Variants in LRRC37A2 observed in about 807,000 individuals in gnomAD.
LRRC37A2 encodes the protein leucine rich repeat containing 37 member A2.
Under a neutral mutation model 68.8 loss-of-function variants are expected in LRRC37A2, and 9 were observed. The observed-to-expected ratio is 0.13, with a 90% CI of 0.08 to 0.23. The LOEUF (loss-of-function observed/expected upper bound fraction) is 0.23, where lower values mean the gene tolerates loss of function less well. Ranked by LOEUF, LRRC37A2 falls within the 10% of genes least tolerant of loss-of-function variation. LRRC37A2 has a pLI of 1.00. For missense variants in LRRC37A2, 168 were observed against 950.4 expected (o/e 0.18, Z 10.82); for synonymous variants, 63 against 367.6 (o/e 0.17, Z 9.48).
chr17:46,995,650 A>G, the LRRC37A2 span, among the ~76,000 whole-genome samples: 3 of 152,338 alleles, frequency 2.0e-5, no homozygotes, highest in East Asian at 5.8e-4. Flanking sequence ...TAGCAGAGCA[A>G]TAAGACAGGA....
chr17:47,001,220 T>C, the LRRC37A2 span, among the ~76,000 whole-genome samples: 108,081 of 151,504 alleles, frequency 0.71, 39,158 homozygotes, highest in Middle Eastern at 0.78. Flanking sequence ...GGTATTAATG[T>C]CCACCTCCCA....
At chr17:46,771,536 C>T in the LRRC37A2 span, among the ~76,000 whole-genome samples, 1 of 148,828 alleles carries the variant, frequency 6.7e-6, no homozygotes, top group Non-Finnish European at 1.5e-5. Flanking sequence ...GGGAGCGGCG[C>T]TGACAGCCCC....
At chr17:46,697,079 ATC>A in the LRRC37A2 span, among the ~76,000 whole-genome samples, 1 of 137,374 alleles carries the variant, frequency 7.3e-6, no homozygotes, top group South Asian at 2.3e-4. Context: ...TTTAGGTACT[ATC>A]TGCCACTTTA....
chr17:46,877,100 T>C, the LRRC37A2 span: 14 of 1,034,896 alleles, frequency 1.4e-5, no homozygotes, highest in Non-Finnish European at 1.5e-5. Flanking sequence ...AGCATGTTCT[T>C]GGGAGGTGAA....
chr17:46,858,160 C>G, the LRRC37A2 span, among the ~76,000 whole-genome samples: 4 of 152,266 alleles, frequency 2.6e-5, no homozygotes, highest in East Asian at 7.7e-4. Flanking sequence ...GAACTCCTGA[C>G]CTCATGTGAT....
At chr17:47,011,138 C>T in the LRRC37A2 span, among the ~76,000 whole-genome samples, 1 of 152,134 alleles carries the variant, frequency 6.6e-6, no homozygotes, top group Non-Finnish European at 1.5e-5. Flanking sequence ...CACTTGAAGG[C>T]GATGGATGGA....
chr17:46,945,996 C>T, the LRRC37A2 span, among the ~76,000 whole-genome samples: 1 of 152,182 alleles, frequency 6.6e-6, no homozygotes, highest in Non-Finnish European at 1.5e-5. Flanking sequence ...AGGGCAGCCT[C>T]TCTTACCTCA....
the LRRC37A2 span, among the ~76,000 whole-genome samples, chr17:46,734,073 G>A: frequency 2.6e-5 from 4 of 152,156 alleles, no homozygotes; most frequent in African/African-American, 9.7e-5. Context: ...TTGCTTTCAT[G>A]TAGTCCTTAC....
the LRRC37A2 span, among the ~76,000 whole-genome samples, chr17:46,892,943 CTTT>C: frequency 2.0e-5 from 3 of 146,974 alleles, no homozygotes; most frequent in African/African-American, 5.0e-5. Context: ...TTTTTCTTTT[CTTT>C]TTTTTTTTGA....
chr17:46,884,775 G>A, the LRRC37A2 span, among the ~76,000 whole-genome samples: 185 of 152,276 alleles, frequency 1.2e-3, no homozygotes, highest in African/African-American at 4.3e-3. Context: ...AGTATGAGGC[G>A]GGGCCAGCTT....
chr17:46,496,498 A>T, the LRRC37A2 span, among the ~76,000 whole-genome samples: 9 of 147,072 alleles, frequency 6.1e-5, 1 homozygote, highest in African/African-American at 2.4e-4. Context: ...AGCTACTCAG[A>T]AGGTTAAGTC....
chr17:46,770,439 G>A, the LRRC37A2 span, among the ~76,000 whole-genome samples: 3 of 152,164 alleles, frequency 2.0e-5, no homozygotes, highest in African/African-American at 7.2e-5. Flanking sequence ...ACCCTGCACA[G>A]GCCTGAGCCC....
the LRRC37A2 span, among the ~76,000 whole-genome samples, chr17:47,034,757 G>A: frequency 6.7e-6 from 1 of 148,664 alleles, no homozygotes; most frequent in African/African-American, 2.5e-5. Flanking sequence ...AGTGGGCAGA[G>A]GAAGATATAG....
the LRRC37A2 span, among the ~76,000 whole-genome samples, chr17:47,033,793 A>G: frequency 6.6e-6 from 1 of 152,252 alleles, no homozygotes; most frequent in African/African-American, 2.4e-5. Context: ...ATTGTTCTAC[A>G]GCAAAAGGCT....
the LRRC37A2 span, among the ~76,000 whole-genome samples, chr17:46,904,769 C>G: frequency 9.2e-5 from 14 of 152,210 alleles, no homozygotes; most frequent in African/African-American, 3.1e-4. Context: ...ATGAAGCCTT[C>G]ACATGAACAC....
At chr17:46,882,537 G>A in the LRRC37A2 span, among the ~76,000 whole-genome samples, 1 of 152,010 alleles carries the variant, frequency 6.6e-6, no homozygotes, top group African/African-American at 2.4e-5. Context: ...CTAGGTTCAA[G>A]CGATTCTCCT....
At chr17:46,839,107 AC>A in the LRRC37A2 span, among the ~76,000 whole-genome samples, 3 of 152,094 alleles carry the variant, frequency 2.0e-5, no homozygotes, top group Non-Finnish European at 2.9e-5. Context: ...CGAACTCCTG[AC>A]CTCAGGAGTT....
the LRRC37A2 span, chr17:46,755,833 A>G: frequency 1.2e-6 from 2 of 1,609,560 alleles, no homozygotes; most frequent in African/African-American, 1.4e-5. Flanking sequence ...AAAATGAACT[A>G]TTTGAAACAC....
the LRRC37A2 span, among the ~76,000 whole-genome samples, chr17:46,927,981 CG>C: frequency 6.6e-6 from 1 of 152,274 alleles, no homozygotes; most frequent in East Asian, 1.9e-4. Context: ...TTTCTGTCCC[CG>C]TTACCCTCCG....
Sources: gnomAD v4.1 joint callset for allele counts (sites outside exome capture counted in the v4.1 genomes callset) on GRCh38, gnomAD v4.1.1 for gene constraint, MANE v1.5 for transcripts, NCBI Gene and HGNC (gene_info 2026-07-23, HGNC 2026-07-21) for gene names.